DMD: variants seen among roughly 807,000 people sequenced by gnomAD.
DMD encodes the protein mutant dystrophin.
Under a neutral mutation model 330.1 loss-of-function variants are expected in DMD, and 63 were observed. The observed-to-expected ratio is 0.19, with a 90% CI of 0.16 to 0.24. The LOEUF is 0.24. DMD is among the 10% of genes least tolerant of loss of function. The pLI, the probability that DMD is intolerant of heterozygous loss-of-function variation, is 1.00. For missense variants in DMD, 3,344 were observed against 2,684.1 expected, an observed-to-expected ratio of 1.25 and a Z score of -5.43; for synonymous variants, 1,223 against 959.8, an observed-to-expected ratio of 1.27 and a Z score of -5.07.
chrX:32,640,207 TCA>T (rs1394232073), intron 11 of DMD, among the ~76,000 whole-genome samples: 1 of 109,256 alleles, frequency 9.2e-6, no homozygotes, highest in Non-Finnish European at 1.9e-5. Flanking sequence ...ATCTTATTTA[TCA>T]CAGTTATCTT....
At chrX:32,649,628 A>G in intron 9 of DMD, among the ~76,000 whole-genome samples, 1 of 108,717 alleles carries the variant, frequency 9.2e-6, no homozygotes, top group South Asian at 4.1e-4. Flanking sequence ...CAGGGATGAT[A>G]AATGACTGTT....
At chrX:32,402,813 T>C (rs1280008976) in intron 30 of DMD, among the ~76,000 whole-genome samples, 1 of 111,673 alleles carries the variant, frequency 9.0e-6, no homozygotes, top group Non-Finnish European at 1.9e-5. Context: ...TTAAGTTCCA[T>C]TGGAAAAATG....
rs1417207108 is a variant in DMD, at chrX:33,319,658, G to A, written c.7+19601C>T. On this transcript the variant is annotated intron_variant, in intron 1 of 17. Transcript: ENST00000288447. ...CATCATTATCACCTTTACTATCATC[G>A]TCATAGACAGATGTAAATCTAGCAG... is the stretch of plus-strand genomic sequence containing the variant. 3.6e-5 allele frequency among the ~76,000 whole-genome samples: 4 copies of A among 111,817 alleles called. No homozygotes were observed. In the East Asian group the frequency reaches 8.5e-4, roughly 24 times the overall value.
At chrX:31,458,363 A>G (rs984106745) in intron 59 of DMD, among the ~76,000 whole-genome samples, 1 of 110,626 alleles carries the variant, frequency 9.0e-6, no homozygotes, top group African/African-American at 3.3e-5. Flanking sequence ...TCTTAAGGTA[A>G]TATCTAAATT....
intron 2 of DMD, among the ~76,000 whole-genome samples, chrX:32,876,179 C>T (rs779799100): frequency 4.5e-5 from 5 of 111,615 alleles, no homozygotes; most frequent in African/African-American, 6.5e-5. Flanking sequence ...AATGATACCA[C>T]CATCCTCTCA....
At chrX:32,159,005 T>C (rs928620418) in intron 44 of DMD, among the ~76,000 whole-genome samples, 3 of 112,421 alleles carry the variant, frequency 2.7e-5, no homozygotes, top group Non-Finnish European at 3.8e-5. Context: ...TAATAGTCTC[T>C]GAGCCTCTTG....
chrX:32,458,315 C>A (rs1464602145), intron 25 of DMD, among the ~76,000 whole-genome samples: 4 of 111,429 alleles, frequency 3.6e-5, no homozygotes, highest in African/African-American at 9.8e-5. Context: ...TTCATCTATG[C>A]TGCTGCAAAT....
chrX:31,776,214 C>A (rs6631390), intron 50 of DMD, among the ~76,000 whole-genome samples: 12,056 of 110,406 alleles, frequency 0.11, 556 homozygotes, highest in East Asian at 0.25. Flanking sequence ...GAACTAACTG[C>A]AGAACACCAG....
chrX:33,152,627 G>T (rs2048335318), intron 1 of DMD, among the ~76,000 whole-genome samples: 1 of 110,592 alleles, frequency 9.0e-6, no homozygotes, highest in Non-Finnish European at 1.9e-5. Context: ...TTTACATGTG[G>T]AATATACTAG....
chrX:32,931,207 C>T (rs2089562474), intron 2 of DMD, among the ~76,000 whole-genome samples: 1 of 109,933 alleles, frequency 9.1e-6, no homozygotes, highest in Admixed American at 9.9e-5. Flanking sequence ...GTCAACTTTA[C>T]TAATAAGCTG....
At chrX:33,095,233 T>C in intron 1 of DMD, among the ~76,000 whole-genome samples, 1 of 112,578 alleles carries the variant, frequency 8.9e-6, no homozygotes. Context: ...GGAAAATAGA[T>C]ATATTTGCTC....
chrX:31,236,733 T>C (rs1031446632), intron 63 of DMD, among the ~76,000 whole-genome samples: 1 of 111,998 alleles, frequency 8.9e-6, no homozygotes, highest in Non-Finnish European at 1.9e-5. Flanking sequence ...AATGAACACA[T>C]ATAATCAACT....
chrX:31,530,515 T>C (rs188967666), intron 55 of DMD, among the ~76,000 whole-genome samples: 1 of 110,082 alleles, frequency 9.1e-6, no homozygotes, highest in African/African-American at 3.3e-5. Context: ...ATCGAGTAAA[T>C]GATTGGATAC....
chrX:32,536,280 AAAAAAAAAC>A (rs2047967591), intron 17 of DMD, among the ~76,000 whole-genome samples: 1 of 108,056 alleles, frequency 9.3e-6, no homozygotes, highest in African/African-American at 3.4e-5. Context: ...AAAAAAAAAA[AAAAAAAAAC>A]ACACAAATGG....
intron 30 of DMD, among the ~76,000 whole-genome samples, chrX:32,394,519 T>C (rs965514555): frequency 4.5e-5 from 5 of 112,198 alleles, no homozygotes; most frequent in African/African-American, 1.6e-4. Flanking sequence ...AAAGATCAGA[T>C]GTGACAGTAT....
Position 32,027,628 on chromosome X carries a change from C to G in DMD, c.6439-59114G>C, listed in dbSNP as rs1226993628. Among the ~76,000 whole-genome samples, 6 of 111,793 alleles carry G rather than the reference C, an allele frequency of 5.4e-5. No homozygotes were observed. In the Admixed American group the frequency reaches 5.7e-4, roughly 11 times the overall value. Reference sequence around the variant, plus strand: ...TACCTTACACAAAGCACTGTGGAGTCCCTTGAACTTGAGAGATCCCTCAGA... The same window carrying G: ...TACCTTACACAAAGCACTGTGGAGTGCCTTGAACTTGAGAGATCCCTCAGA... On this transcript the variant is annotated intron_variant, in intron 44 of 78. Coordinates refer to ENST00000357033, the MANE Select transcript of DMD (RefSeq NM_004006.3).
intron 7 of DMD, among the ~76,000 whole-genome samples, chrX:32,779,609 C>T (rs979894443): frequency 4.8e-5 from 5 of 104,033 alleles, no homozygotes; most frequent in African/African-American, 7.1e-5. Flanking sequence ...TTTATCCTTG[C>T]GATAGTTTGC....
chrX:32,738,765 C>T (rs995037769), intron 7 of DMD, among the ~76,000 whole-genome samples: 9 of 110,900 alleles, frequency 8.1e-5, no homozygotes, highest in African/African-American at 2.0e-4. Flanking sequence ...ATAAGGTATA[C>T]GATATAGATG....
At chrX:32,433,961 T>A (rs1012352020) in intron 29 of DMD, among the ~76,000 whole-genome samples, 1 of 111,911 alleles carries the variant, frequency 8.9e-6, no homozygotes, top group Non-Finnish European at 1.9e-5. Context: ...ATCATTACTG[T>A]GAGTAGAAAA....
Sources: allele counts gnomAD v4.1 joint callset (sites outside exome capture counted in the v4.1 genomes callset), GRCh38; gene constraint gnomAD v4.1.1; transcripts MANE v1.5; gene names NCBI Gene and HGNC (gene_info 2026-07-23, HGNC 2026-07-21).